The following RHOT1 variants were observed in gnomAD, a reference collection of about 807,000 sequenced individuals.
The protein encoded by RHOT1 is ras homolog family member T1.
A neutral mutation model predicts 95.3 loss-of-function variants in RHOT1; 27 were observed. The ratio of observed to expected loss-of-function variants is 0.28; its 90% CI spans 0.21 to 0.39. The LOEUF is 0.39. Among genes scored for constraint, RHOT1 ranks in the 10% least tolerant of loss-of-function variants. The pLI is 1.00. For missense variants in RHOT1, 578 were observed against 786.7 expected, an observed-to-expected ratio of 0.73 and a Z score of 3.17; for synonymous variants, 227 against 263.5, an observed-to-expected ratio of 0.86 and a Z score of 1.34.
At position 32,175,397 on chromosome 17, in the gene RHOT1, G is replaced by A. The variant is rs1225576714; in HGVS notation, c.222+35G>A. ...AAAAAACAGAGGTGTGGGGTTTTGT[G>A]TAGAAAAACAGTGATGATTTTATGA... On this transcript the variant is annotated intron_variant, in intron 4 of 19. Transcript: ENST00000545287. 3.8e-6 allele frequency: 6 copies of A among 1,577,182 alleles called. No individual in the cohort carries two copies. The African/African-American group carries it at 4.0e-5, about 11-fold the overall frequency.
chr17:32,191,387 GA>G (rs2036478450), intron 8 of RHOT1, among the ~76,000 whole-genome samples: 1 of 152,094 alleles, frequency 6.6e-6, no homozygotes, highest in South Asian at 2.1e-4. Flanking sequence ...TGATTTAGAT[GA>G]TCTAAATAAA....
At position 32,199,198 on chromosome 17, in the gene RHOT1, T is replaced by C. The variant is rs1447526153; in HGVS notation, c.954+167T>C. Among the ~76,000 whole-genome samples, 4 of 152,232 alleles carry C rather than the reference T, an allele frequency of 2.6e-5. No individual in the cohort carries two copies. The East Asian group carries it at 7.7e-4, about 29-fold the overall frequency. On this transcript the variant is annotated intron_variant, in intron 12 of 19. Coordinates refer to ENST00000545287, the MANE Select transcript of RHOT1 (RefSeq NM_001033566.3). Reference sequence around the variant, plus strand: ...ATTTTCTGCTGTTTACCTTTGTTGTTTTCTCAAGATGAAAATGTCTAATTT... The same window carrying C: ...ATTTTCTGCTGTTTACCTTTGTTGTCTTCTCAAGATGAAAATGTCTAATTT...
At chr17:32,192,806 G>A (rs1284884419) in intron 9 of RHOT1, among the ~76,000 whole-genome samples, 1 of 151,900 alleles carries the variant, frequency 6.6e-6, no homozygotes, top group East Asian at 1.9e-4. Flanking sequence ...CAAGTAGCTA[G>A]GACTACAGGC....
At chr17:32,214,563 C>T (rs756634890) in intron 19 of RHOT1, among the ~76,000 whole-genome samples, 3 of 152,150 alleles carry the variant, frequency 2.0e-5, no homozygotes, top group Non-Finnish European at 2.9e-5. Context: ...CCATCACCAC[C>T]ACCACCACTT....
chr17:32,192,315 T>C lies in RHOT1; in HGVS notation c.639+16T>C, dbSNP rs2036545481. ...CTTCTTTCAGGTAATGGTCCTTTATTTCAGACATTTGCGTATCTTTTTTTT... is the reference window on the plus strand; with the variant it reads ...CTTCTTTCAGGTAATGGTCCTTTATCTCAGACATTTGCGTATCTTTTTTTT... On this transcript the variant is annotated intron_variant, in intron 9 of 19. Coordinates refer to ENST00000545287, the MANE Select transcript of RHOT1 (RefSeq NM_001033566.3). The C allele has an allele frequency of 1.5e-6, 2 of 1,366,500 alleles. No individual in the cohort carries two copies. Among genetic ancestry groups the C allele is most frequent in the African/African-American group, 3.0e-5 (2 of 67,676 alleles). The allele number at this position is 1,366,500 out of a possible 1,614,324, so 84.6% of individuals were successfully genotyped here.
intron 19 of RHOT1, among the ~76,000 whole-genome samples, chr17:32,223,901 C>G (rs1234335606): frequency 6.6e-6 from 1 of 152,088 alleles, no homozygotes; most frequent in East Asian, 1.9e-4. Flanking sequence ...ACAGGCTGTC[C>G]CTGTTCTTGT....
chr17:32,149,617 A>ATGTGTGTG (rs1290539388), intron 1 of RHOT1, among the ~76,000 whole-genome samples: 40 of 83,636 alleles, frequency 4.8e-4, no homozygotes, highest in African/African-American at 2.5e-3. Flanking sequence ...ATATATATAT[A>ATGTGTGTG]TATATATATA....
chr17:32,158,564 A>T (rs2142424215), intron 1 of RHOT1, among the ~76,000 whole-genome samples: 1 of 152,082 alleles, frequency 6.6e-6, no homozygotes, highest in South Asian at 2.1e-4. Flanking sequence ...CTTTCAAACG[A>T]TTCTCCTGCC....
intron 8 of RHOT1, among the ~76,000 whole-genome samples, chr17:32,191,273 A>G (rs541073561): frequency 4.6e-5 from 7 of 152,236 alleles, no homozygotes; most frequent in Middle Eastern, 6.8e-3. Context: ...TTTTTAAAGA[A>G]TTTCTTTTCT....
At chr17:32,199,096 C>G (rs1680449561) in intron 12 of RHOT1, 65 bp downstream of exon 12, 1 of 1,248,620 alleles carries the variant, frequency 8.0e-7, no homozygotes, top group Admixed American at 1.8e-5. Context: ...TGATATAACT[C>G]TGTTCCCTGA....
chr17:32,149,987 T>C (rs776113612), intron 1 of RHOT1, among the ~76,000 whole-genome samples: 6 of 152,076 alleles, frequency 3.9e-5, no homozygotes, highest in African/African-American at 7.2e-5. Flanking sequence ...CTGGCCTCAA[T>C]TGATCCACGT....
At chr17:32,170,693 T>C (rs1363454899) in intron 1 of RHOT1, among the ~76,000 whole-genome samples, 1 of 152,152 alleles carries the variant, frequency 6.6e-6, no homozygotes, top group African/African-American at 2.4e-5. Context: ...AAATGCATAA[T>C]TAAGTGATAA....
intron 1 of RHOT1, among the ~76,000 whole-genome samples, chr17:32,169,440 A>G (rs1003282269): frequency 8.5e-5 from 13 of 152,218 alleles, no homozygotes; most frequent in Non-Finnish European, 1.6e-4. Flanking sequence ...GTATAAAAAA[A>G]TTGCTAGAAT....
rs1598422876 is a variant in RHOT1 at position 32,199,259 on chromosome 17, T to G, written c.955-146T>G. On this transcript the variant is annotated intron_variant, in intron 12 of 19. Coordinates refer to ENST00000545287, the MANE Select transcript of RHOT1 (RefSeq NM_001033566.3). Reference sequence around the variant, plus strand: ...CTCTTATAGGTTTTCTTACATACATTTGAGGAATTTTCTTGATAAAATGTA... The same window carrying G: ...CTCTTATAGGTTTTCTTACATACATGTGAGGAATTTTCTTGATAAAATGTA... 5.1e-6 allele frequency: 4 copies of G among 784,124 alleles called. No individual in the cohort carries two copies. The East Asian group carries it at 1.1e-4, about 22-fold the overall frequency. The allele number at this position is 784,124 out of a possible 1,614,324, so 48.6% of individuals were successfully genotyped here. A position where few individuals can be genotyped will look rare whatever the true frequency, so the allele number is the denominator to read the frequency against.
chr17:32,199,630 G>T, intron 13 of RHOT1, 80 bp downstream of exon 13: 1 of 1,199,494 alleles, frequency 8.3e-7, no homozygotes, highest in South Asian at 1.8e-5. Flanking sequence ...CACTTTGTAA[G>T]CTTGTGAGGC....
chr17:32,186,827 A>AT (rs1220793786), intron 8 of RHOT1, among the ~76,000 whole-genome samples: 2 of 152,020 alleles, frequency 1.3e-5, no homozygotes, highest in African/African-American at 4.8e-5. Context: ...CACACAGCTA[A>AT]TTTTTAATTT....
intron 8 of RHOT1, among the ~76,000 whole-genome samples, chr17:32,191,367 C>G (rs1256966954): frequency 2.0e-5 from 3 of 152,184 alleles, no homozygotes; most frequent in Non-Finnish European, 2.9e-5. Context: ...ACCTTGACAT[C>G]TCATTTCTCT....
At chr17:32,153,238 G>A (rs958065206) in intron 1 of RHOT1, among the ~76,000 whole-genome samples, 1 of 152,236 alleles carries the variant, frequency 6.6e-6, no homozygotes, top group African/African-American at 2.4e-5. Context: ...AGAAGAATCA[G>A]GGTCTTAAGC....
In RHOT1 at chr17:32,194,038, C is replaced by G. The variant is rs2036688608; in HGVS notation, c.800C>G (p.Thr267Ser). The change falls in exon 11 of 20, where the codon ACT becomes AGT. Residue 267 changes from threonine to serine, a missense_variant. Physicochemically the swap from Thr to Ser is moderately conservative, Grantham distance 58 (BLOSUM62 1). This residue lies in a region of RHOT1 where 227 missense variants were observed against 316.0 expected (regional missense o/e 0.72). Transcript: ENST00000545287. ...LFIQRGRHET[T>S]WTVLRRFGYD... is the part of the protein sequence containing the mutation. ...ATCCAGAGAGGGAGACACGAAACTA[C>G]TTGGACTGTGCTTCGACGATTTGGT... 6.2e-7 allele frequency: 1 copy of G among 1,614,002 alleles called. No homozygotes were observed. Among genetic ancestry groups the G allele is most frequent in the East Asian group, 2.2e-5 (1 of 44,902 alleles).
Sources: gnomAD v4.1 joint callset for allele counts (sites outside exome capture counted in the v4.1 genomes callset) on GRCh38, gnomAD v4.1.1 for gene constraint, gnomAD v4.1.1 regional missense constraint, MANE v1.5 for transcripts, NCBI Gene and HGNC (gene_info 2026-07-23, HGNC 2026-07-21) for gene names.